The following PDE10A variants were observed in gnomAD, a reference collection of about 807,000 sequenced individuals.
PDE10A encodes cAMP and cAMP-inhibited cGMP 3',5'-cyclic phosphodiesterase 10A.
Under a neutral mutation model 97.7 loss-of-function variants are expected in PDE10A, and 39 were observed. The ratio of observed to expected loss-of-function variants is 0.40; its 90% CI spans 0.31 to 0.52. PDE10A has a LOEUF of 0.52. Among genes scored for constraint, PDE10A ranks in the 20% least tolerant of loss-of-function variants. The probability of loss-of-function intolerance (pLI) is 0.56; values close to 1 mark genes in which losing one functional copy is unlikely to be tolerated. For synonymous variants in PDE10A, 371 were observed against 376.8 expected (o/e 0.98, Z 0.18); for missense variants, 731 against 1,047.8 (o/e 0.70, Z 4.17).
In PDE10A at chr6:165,639,805, C is replaced by T. The variant is rs141393609; in HGVS notation, c.865+22142G>A. On this transcript the variant is annotated intron_variant, in intron 1 of 21. Coordinates refer to ENST00000539869, the MANE Select transcript of PDE10A (RefSeq NM_001385079.1). ...ATCTATGGCCAGGTGGAGTGGCTCA[C>T]GCCTGTAATCCCAACACTTTGGGAG... is the stretch of plus-strand genomic sequence containing the variant. Among the ~76,000 whole-genome samples the T allele has an allele frequency of 1.6e-3, 235 of 150,970 alleles. 1 individual carries two copies. The highest frequency in any genetic ancestry group is 5.2e-3 in the African/African-American group (213 of 41,148).
intron 2 of PDE10A, among the ~76,000 whole-genome samples, chr6:165,488,615 G>A (rs1391702629): frequency 2.0e-5 from 3 of 152,170 alleles, no homozygotes; most frequent in Non-Finnish European, 4.4e-5. Context: ...GTAGGAGGTG[G>A]ATTGCAGCTG....
chr6:165,433,142 A>G lies in PDE10A; in HGVS notation c.1336-13T>C, dbSNP rs1789719901. ...GAAATCGTTCATCCTGAAAAACAAA[A>G]AGACAAAAAGACATAAATTCAGTGA... On this transcript the variant is annotated splice_polypyrimidine_tract_variant and intron_variant, in intron 6 of 21. Transcript: ENST00000539869. 2 of 1,592,344 alleles carry G rather than the reference A, an allele frequency of 1.3e-6. No homozygotes were observed. Among genetic ancestry groups the G allele is most frequent in the Non-Finnish European group, 1.7e-6 (2 of 1,164,630 alleles).
At chr6:165,759,155 G>A (rs1793193996) in intron 1 of PDE10A, among the ~76,000 whole-genome samples, 1 of 151,756 alleles carries the variant, frequency 6.6e-6, no homozygotes, top group African/African-American at 2.4e-5. Flanking sequence ...ATAATATGAG[G>A]GACTCTTTTC....
At chr6:165,949,717 AG>A (rs1164646289) in intron 1 of PDE10A, 1 of 152,220 alleles carries the variant, frequency 6.6e-6, no homozygotes, top group Non-Finnish European at 1.5e-5. Flanking sequence ...TTACATAATG[AG>A]GTGTCTGAAA....
chr6:165,464,867 T>C (rs1266060606), intron 3 of PDE10A, among the ~76,000 whole-genome samples: 1 of 152,248 alleles, frequency 6.6e-6, no homozygotes, highest in African/African-American at 2.4e-5. Context: ...TAACATTCCA[T>C]TGTATTAATG....
chr6:165,972,658 C>T (rs1163424573), intron 1 of PDE10A, among the ~76,000 whole-genome samples: 3 of 152,056 alleles, frequency 2.0e-5, no homozygotes, highest in Non-Finnish European at 4.4e-5. Context: ...GATGCAGGTG[C>T]GTGCCCCTTC....
At chr6:165,958,171 G>T (rs1156656440) in intron 1 of PDE10A, among the ~76,000 whole-genome samples, 1 of 152,104 alleles carries the variant, frequency 6.6e-6, no homozygotes, top group Non-Finnish European at 1.5e-5. Context: ...GGAACAATCT[G>T]CCACAGTCTG....
At chr6:165,438,609 G>A (rs887362497) in intron 5 of PDE10A, among the ~76,000 whole-genome samples, 1 of 152,050 alleles carries the variant, frequency 6.6e-6, no homozygotes, top group Non-Finnish European at 1.5e-5. Flanking sequence ...ACTTGGCAAG[G>A]CAAATCCTGA....
At chr6:165,656,039 C>T (rs1789938859) in intron 1 of PDE10A, among the ~76,000 whole-genome samples, 3 of 152,050 alleles carry the variant, frequency 2.0e-5, no homozygotes, top group South Asian at 2.1e-4. Flanking sequence ...CGTGTGCATT[C>T]GCTGTGCAGC....
chr6:165,408,103 A>G (rs972679288), intron 13 of PDE10A, among the ~76,000 whole-genome samples: 4 of 152,238 alleles, frequency 2.6e-5, no homozygotes, highest in African/African-American at 9.7e-5. Flanking sequence ...CAGTATTAGA[A>G]ACAAGAATTT....
At chr6:165,889,814 A>G (rs994891130) in intron 1 of PDE10A, among the ~76,000 whole-genome samples, 1 of 148,866 alleles carries the variant, frequency 6.7e-6, no homozygotes, top group Non-Finnish European at 1.5e-5. Context: ...TTCCTCACTC[A>G]CCTACTCCTC....
chr6:165,791,214 G>A (rs987415844), intron 1 of PDE10A, among the ~76,000 whole-genome samples: 14 of 151,990 alleles, frequency 9.2e-5, no homozygotes, highest in African/African-American at 1.2e-4. Flanking sequence ...CTCCCGAAGC[G>A]TTGGAAGGGC....
Position 165,693,760 on chromosome 6 carries a change from T to A in PDE10A, c.-614-150192A>T, listed in dbSNP as rs781007374. Among the ~76,000 whole-genome samples, 79 of 152,294 alleles carry A rather than the reference T, an allele frequency of 5.2e-4. No homozygotes were observed. In the Middle Eastern group the frequency reaches 0.01, roughly 20 times the overall value. On this transcript the variant is annotated intron_variant, in intron 1 of 19. Transcript: ENST00000366882. ...GTGCTTCCCATATCTTGGCACCAGT[T>A]ACATTCATCTCCGGGTTCATTTGTT...
chr6:165,725,424 A>G (rs1262613256), intron 1 of PDE10A, among the ~76,000 whole-genome samples: 1 of 152,138 alleles, frequency 6.6e-6, no homozygotes, highest in Non-Finnish European at 1.5e-5. Flanking sequence ...CGCCCCCCAC[A>G]AGCTGCCCGT....
chr6:165,380,053 G>T (rs2128207354), intron 17 of PDE10A, among the ~76,000 whole-genome samples: 1 of 152,226 alleles, frequency 6.6e-6, no homozygotes, highest in Non-Finnish European at 1.5e-5. Context: ...TGGTAATCTG[G>T]ATTCTATTGG....
intron 1 of PDE10A, among the ~76,000 whole-genome samples, chr6:165,716,929 G>A (rs1040061147): frequency 2.0e-5 from 3 of 152,062 alleles, no homozygotes; most frequent in Non-Finnish European, 2.9e-5. Context: ...CGTCACCACC[G>A]TCCATCTCCA....
rs138285363 is a variant in PDE10A at position 165,349,063 on chromosome 6, G to C, written c.2784-5561C>G. On this transcript the variant is annotated intron_variant, in intron 18 of 21. Transcript: ENST00000539869. ...TAATACAGTAAATTGATACTGCAGA[G>C]AGTTGGGTGCTGCTATAAAGATACA... Among the ~76,000 whole-genome samples, 228 of 152,304 alleles carry C rather than the reference G, an allele frequency of 1.5e-3. 1 individual carries two copies. Among genetic ancestry groups the C allele is most frequent in the African/African-American group, 5.1e-3 (212 of 41,568 alleles).
chr6:165,721,570 A>G (rs113539006), intron 1 of PDE10A, among the ~76,000 whole-genome samples: 1,591 of 152,316 alleles, frequency 0.01, 30 homozygotes, highest in African/African-American at 0.037. Flanking sequence ...TCTATGATGA[A>G]TGAAAAGGCA....
At position 165,416,277 on chromosome 6, in the gene PDE10A, A is replaced by C. The variant is rs376505022; in HGVS notation, c.1801T>G (p.Ser601Ala). 5.6e-6 allele frequency: 9 copies of C among 1,603,080 alleles called. No homozygotes were observed. Among genetic ancestry groups the C allele is most frequent in the Non-Finnish European group, 7.7e-6 (9 of 1,169,836 alleles). Residue 601 changes from serine to alanine, a missense_variant, in exon 12 of 22, where the codon TCA becomes GCA. Coordinates refer to ENST00000539869, the MANE Select transcript of PDE10A (RefSeq NM_001385079.1). ...TGGCCAGCAATTCCTTTCTCAATTG[A>C]AAATCTGCATATGTAAAAGAGAAGG... ...VFKKTKEIRF[S>A]IEKGIAGQVA... is the part of the protein sequence containing the mutation.
Sources: allele counts gnomAD v4.1 joint callset (sites outside exome capture counted in the v4.1 genomes callset), GRCh38; gene constraint gnomAD v4.1.1; transcripts MANE v1.5; gene names NCBI Gene and HGNC (gene_info 2026-07-23, HGNC 2026-07-21).